GFI1B: variants seen among roughly 807,000 people sequenced by gnomAD.
GFI1B encodes zinc finger protein Gfi-1b.
Under a neutral mutation model 35.3 loss-of-function variants are expected in GFI1B, and 20 were observed. That is an observed-to-expected ratio of 0.57 (90% CI 0.40 to 0.82). The LOEUF is 0.82. Ranked by LOEUF, GFI1B falls within the 40% of genes least tolerant of loss-of-function variation. The pLI is 0.00. For missense variants in GFI1B, 430 were observed against 446.3 expected, an observed-to-expected ratio of 0.96 and a Z score of 0.33; for synonymous variants, 178 against 177.6, an observed-to-expected ratio of 1.00 and a Z score of -0.02.
At chr9:132,952,765 T>C (rs1358039398) in intron 1 of GFI1B, 1 of 152,256 alleles carries the variant, frequency 6.6e-6, no homozygotes, top group Non-Finnish European at 1.5e-5. Flanking sequence ...CTACAGTAGG[T>C]ATGATGTTTG....
intron 1 of GFI1B, among the ~76,000 whole-genome samples, chr9:132,979,342 C>T (rs1848735764): frequency 6.9e-6 from 1 of 145,576 alleles, no homozygotes; most frequent in African/African-American, 2.5e-5. Context: ...CGAATTCAAG[C>T]GATTCTCCTG....
intron 1 of GFI1B, among the ~76,000 whole-genome samples, chr9:132,955,798 GTGTGTGTGCA>G (rs1848273295): frequency 7.1e-6 from 1 of 140,508 alleles, no homozygotes; most frequent in South Asian, 2.5e-4. Context: ...TGATGTGTGT[GTGTGTGTGCA>G]TGTGTGTGTG....
chr9:132,989,151 T>G lies in GFI1B; in HGVS notation c.601T>G (p.Phe201Val). The change falls in exon 5 of 7, where the codon TTC becomes GTC. Residue 201 changes from phenylalanine (F) to valine (V), a missense_variant. Phe to Val is a conservative substitution (Grantham distance 50). Transcript: ENST00000372122. This position sits in a 1 kb window ranked among gnomAD's most constrained non-coding sequence, Gnocchi z 6.2. ...CGCCTGTGACATCTGCGGCAAAACC[T>G]TCGGCCACGCTGTGAGCCTGGAGCA... Reference protein sequence around the residue: ...PFACDICGKTFGHAVSLEQHT... With the variant: ...PFACDICGKTVGHAVSLEQHT... 4 of 1,613,874 alleles carry G rather than the reference T, an allele frequency of 2.5e-6. No individual in the cohort carries two copies. The highest frequency in any genetic ancestry group is 3.4e-6 in the Non-Finnish European group (4 of 1,179,914).
rs74952823 is a variant in GFI1B at position 132,969,615 on chromosome 9, C to T, written c.-700-3110C>T. Among the ~76,000 whole-genome samples the T allele has an allele frequency of 5.3e-5, 8 of 152,298 alleles. No individual in the cohort carries two copies. The East Asian group carries it at 5.8e-4, about 11-fold the overall frequency. ...GAACACGGGTGTGCAAAGATCTTTC[C>T]GCGTGCCTTTCAGTGCGTTTGGGTC... is the stretch of plus-strand genomic sequence containing the variant. On this transcript the variant is annotated intron_variant, in intron 1 of 10. Coordinates refer to the GFI1B transcript ENST00000339463.
chr9:132,981,135 GA>G (rs754459287), intron 1 of GFI1B, among the ~76,000 whole-genome samples: 37 of 152,218 alleles, frequency 2.4e-4, no homozygotes, highest in Admixed American at 1.5e-3. Context: ...GACCTCAGGT[GA>G]TCTGCCCACC....
At chr9:132,984,430 C>G (rs1263097080) in intron 1 of GFI1B, among the ~76,000 whole-genome samples, 3 of 152,192 alleles carry the variant, frequency 2.0e-5, no homozygotes, top group Admixed American at 2.0e-4. Flanking sequence ...AGCCGAGAAT[C>G]TGACCGCGGG....
At chr9:132,973,293 C>A (rs1379795381) in intron 2 of GFI1B, among the ~76,000 whole-genome samples, 1 of 152,268 alleles carries the variant, frequency 6.6e-6, no homozygotes, top group Non-Finnish European at 1.5e-5. Flanking sequence ...ACGACCCCCG[C>A]ACAGAGCTTC....
Position 132,989,948 on chromosome 9 carries a change from C to A in GFI1B, c.814+41C>A, listed in dbSNP as rs751873363. On this transcript the variant is annotated intron_variant, in intron 6 of 6. Transcript: ENST00000372122. This position sits in a 1 kb window ranked among gnomAD's most constrained non-coding sequence, Gnocchi z 6.2. ...CTGCCTGTGCCCCCTGGGCAGAGCA[C>A]CCCCACCTTTCCCTGAGAGATGCAT... 18 of 1,570,450 alleles carry A rather than the reference C, an allele frequency of 1.1e-5. 1 individual carries two copies. Among genetic ancestry groups the A allele is most frequent in the Middle Eastern group, 3.3e-4 (2 of 5,978 alleles).
chr9:132,958,420 C>T (rs756589039), intron 1 of GFI1B, among the ~76,000 whole-genome samples: 2 of 152,198 alleles, frequency 1.3e-5, no homozygotes, highest in African/African-American at 2.4e-5. Context: ...AGCTTCCAAT[C>T]ATGGCGGAAG....
At position 132,989,280 on chromosome 9, in the gene GFI1B, T is replaced by C; in HGVS notation, c.648+82T>C. 1 of 1,372,644 alleles carries C rather than the reference T, an allele frequency of 7.3e-7. No homozygotes were observed. Among genetic ancestry groups the C allele is most frequent in the Non-Finnish European group, 1.0e-6 (1 of 976,174 alleles). 85.0% of individuals were successfully genotyped at this position (1,372,644 alleles called of 1,614,324 possible). A position where few individuals can be genotyped will look rare whatever the true frequency, so the allele number is the denominator to read the frequency against. On this transcript the variant is annotated intron_variant, in intron 5 of 6. Transcript: ENST00000372122. The surrounding 1 kb of genome is among the most constrained non-coding windows in gnomAD (Gnocchi z 6.2). ...AGGGAGCCTGGGGGCTGTGGCTGGG[T>C]CCCTCCCCCTGCCCCTGGGGGTGAC...
chr9:132,992,559 C>T (rs1849321306), downstream of GFI1B, among the ~76,000 whole-genome samples: 1 of 152,152 alleles, frequency 6.6e-6, no homozygotes, highest in Non-Finnish European at 1.5e-5. Context: ...AAGTGGCATA[C>T]AGGTCCAGCC....
In GFI1B at chr9:132,989,292, C is replaced by G; in HGVS notation, c.648+94C>G. 5 of 1,259,052 alleles carry G rather than the reference C, an allele frequency of 4.0e-6. No homozygotes were observed. The highest frequency in any genetic ancestry group is 5.7e-6 in the Non-Finnish European group (5 of 875,990). The allele number at this position is 1,259,052 out of a possible 1,614,324, so 78.0% of individuals were successfully genotyped here. A position where few individuals can be genotyped will look rare whatever the true frequency, so the allele number is the denominator to read the frequency against. On this transcript the variant is annotated intron_variant, in intron 5 of 6. Coordinates refer to ENST00000372122, the MANE Select transcript of GFI1B (RefSeq NM_001377304.1). This position sits in a 1 kb window ranked among gnomAD's most constrained non-coding sequence, Gnocchi z 6.2. ...GGCTGTGGCTGGGTCCCTCCCCCTGCCCCTGGGGGTGACACAGATTGGGAG... is the reference window on the plus strand; with the variant it reads ...GGCTGTGGCTGGGTCCCTCCCCCTGGCCCTGGGGGTGACACAGATTGGGAG...
chr9:132,988,549 T>C, intron 4 of GFI1B, 81 bp downstream of exon 4: 1 of 1,304,888 alleles, frequency 7.7e-7, no homozygotes. Context: ...CTGGGCGTTC[T>C]CTGTGCTGTG....
At chr9:132,982,088 G>C (rs767615463) in intron 1 of GFI1B, among the ~76,000 whole-genome samples, 1 of 152,182 alleles carries the variant, frequency 6.6e-6, no homozygotes, top group African/African-American at 2.4e-5. Context: ...AAGTCAAAAA[G>C]GTTCTCTGTA....
At chr9:132,979,822 G>A (rs985411319) in intron 1 of GFI1B, among the ~76,000 whole-genome samples, 1 of 152,176 alleles carries the variant, frequency 6.6e-6, no homozygotes, top group African/African-American at 2.4e-5. Flanking sequence ...CCGTGGGTAT[G>A]TGCCCGTGTA....
intron 1 of GFI1B, among the ~76,000 whole-genome samples, chr9:132,986,243 T>C (rs944192543): frequency 6.7e-6 from 1 of 148,578 alleles, no homozygotes; most frequent in African/African-American, 2.6e-5. Context: ...CTGGCGGCTG[T>C]CGGCACTGCC....
chr9:132,952,940 T>G (rs1848224173), intron 1 of GFI1B: 1 of 152,218 alleles, frequency 6.6e-6, no homozygotes, highest in Admixed American at 6.5e-5. Context: ...ATCCTTGCAC[T>G]CCTAGGACAA....
intron 1 of GFI1B, among the ~76,000 whole-genome samples, chr9:132,964,742 C>A (rs1249752485): frequency 8.2e-6 from 1 of 122,270 alleles, no homozygotes; most frequent in Non-Finnish European, 1.7e-5. Flanking sequence ...AATTTTTCTT[C>A]CTTTTTTTTT....
At position 132,989,769 on chromosome 9, in the gene GFI1B, G is replaced by T; in HGVS notation, c.676G>T (p.Gly226Cys). The change falls in exon 6 of 7, where the codon GGC becomes TGC. Residue 226 changes from glycine to cysteine, a missense_variant. Coordinates refer to ENST00000372122, the MANE Select transcript of GFI1B (RefSeq NM_001377304.1). The surrounding 1 kb of genome is among the most constrained non-coding windows in gnomAD (Gnocchi z 6.2). ...GCGCAGCTTCGAGTGCCGCATGTGC[G>T]GCAAGGCCTTCAAGCGCTCGTCCAC... ...QERSFECRMC[G>C]KAFKRSSTLS... 6.2e-7 allele frequency: 1 copy of T among 1,614,128 alleles called. No homozygotes were observed. Among genetic ancestry groups the T allele is most frequent in the Non-Finnish European group, 8.5e-7 (1 of 1,179,946 alleles).
Sources: gnomAD v4.1 joint callset for allele counts (sites outside exome capture counted in the v4.1 genomes callset) on GRCh38, gnomAD v4.1.1 for gene constraint, Gnocchi (gnomAD v3.1) non-coding constraint, MANE v1.5 for transcripts, NCBI Gene and HGNC (gene_info 2026-07-23, HGNC 2026-07-21) for gene names.